The following KHDRBS2 variants were observed in gnomAD, a reference collection of about 807,000 sequenced individuals.
KHDRBS2 encodes the protein KH RNA binding domain containing, signal transduction associated 2.
A neutral mutation model predicts 44.3 loss-of-function variants in KHDRBS2; 26 were observed. That is an observed-to-expected ratio of 0.59 (90% CI 0.43 to 0.81). The LOEUF is 0.81. Among genes scored for constraint, KHDRBS2 ranks in the 40% least tolerant of loss-of-function variants. The pLI, the probability that KHDRBS2 is intolerant of heterozygous loss-of-function variation, is 0.00. For synonymous variants in KHDRBS2, 194 were observed against 151.1 expected (o/e 1.28, Z -2.08); for missense variants, 476 against 433.1 (o/e 1.10, Z -0.88).
intron 6 of KHDRBS2, among the ~76,000 whole-genome samples, chr6:61,793,574 C>G (rs1159674180): frequency 6.6e-6 from 1 of 151,588 alleles, no homozygotes; most frequent in Non-Finnish European, 1.5e-5. Flanking sequence ...TTTATTTTTT[C>G]AAAATAAATC....
the KHDRBS2 span, among the ~76,000 whole-genome samples, chr6:61,600,561 G>A: frequency 6.6e-6 from 1 of 152,084 alleles, no homozygotes; most frequent in Non-Finnish European, 1.5e-5. Flanking sequence ...CAGCCCACCT[G>A]CACCCAGGAG....
intron 3 of KHDRBS2, among the ~76,000 whole-genome samples, chr6:62,043,543 A>G (rs948771238): frequency 4.6e-5 from 7 of 152,056 alleles, no homozygotes; most frequent in African/African-American, 1.7e-4. Context: ...GTGAGTTCAT[A>G]TATTGTGGGA....
chr6:61,688,002 T>C (rs763365258), intron 8 of KHDRBS2, among the ~76,000 whole-genome samples: 3 of 151,880 alleles, frequency 2.0e-5, no homozygotes, highest in East Asian at 3.9e-4. Flanking sequence ...GTCCTATACA[T>C]TATTGTATTT....
chr6:62,073,038 A>G (rs1447669864), intron 2 of KHDRBS2, among the ~76,000 whole-genome samples: 1 of 152,066 alleles, frequency 6.6e-6, no homozygotes, highest in South Asian at 2.1e-4. Flanking sequence ...CGGTCTATTC[A>G]GAGATTCAAC....
chr6:61,745,962 A>G (rs1776798817), intron 6 of KHDRBS2, among the ~76,000 whole-genome samples: 1 of 152,148 alleles, frequency 6.6e-6, no homozygotes, highest in Non-Finnish European at 1.5e-5. Flanking sequence ...ACATTTCTTT[A>G]GAACTTGCCC....
intron 4 of KHDRBS2, among the ~76,000 whole-genome samples, chr6:61,936,392 G>C (rs1194985447): frequency 6.6e-6 from 1 of 151,844 alleles, no homozygotes; most frequent in Admixed American, 6.6e-5. Flanking sequence ...CTCTCCTCCT[G>C]AATAGGCTTG....
chr6:61,779,313 T>C (rs1239791670), intron 6 of KHDRBS2, among the ~76,000 whole-genome samples: 2 of 152,056 alleles, frequency 1.3e-5, no homozygotes, highest in Non-Finnish European at 1.5e-5. Context: ...AAATAACCCA[T>C]GGAGTTTCTA....
At chr6:61,594,478 T>C in the KHDRBS2 span, among the ~76,000 whole-genome samples, 1 of 152,068 alleles carries the variant, frequency 6.6e-6, no homozygotes, top group Admixed American at 6.6e-5. Flanking sequence ...ACTTTAGCAT[T>C]TGCAAAAAGT....
At position 62,286,204 on chromosome 6, in the gene KHDRBS2, A is replaced by G. The variant is rs1320493955; in HGVS notation, c.-256T>C. On this transcript the variant is annotated 5_prime_UTR_variant, in exon 1 of 9. Transcript: ENST00000281156. ...GCCCCGGCTCACACCAGCGGCCTTA[A>G]CTGGAGAGGCGGGAACAGGACGCGG... 5 of 496,650 alleles carry G rather than the reference A, an allele frequency of 1.0e-5. No individual in the cohort carries two copies. Among genetic ancestry groups the G allele is most frequent in the African/African-American group, 6.2e-5 (3 of 48,418 alleles). The allele number at this position is 496,650 out of a possible 1,614,324, so 30.8% of individuals were successfully genotyped here.
intron 3 of KHDRBS2, among the ~76,000 whole-genome samples, chr6:61,982,214 A>AATATATAT (rs34900603): frequency 0.02 from 3,045 of 149,814 alleles, 112 homozygotes; most frequent in African/African-American, 0.071. Context: ...AGTCACTGCA[A>AATATATAT]ATATATATAT....
At chr6:62,064,972 G>C (rs1793194086) in intron 2 of KHDRBS2, among the ~76,000 whole-genome samples, 1 of 151,788 alleles carries the variant, frequency 6.6e-6, no homozygotes, top group South Asian at 2.1e-4. Context: ...GTGGGTGAAG[G>C]ACATGAACAG....
chr6:61,982,857 G>T (rs552835236), intron 3 of KHDRBS2, among the ~76,000 whole-genome samples: 3 of 152,026 alleles, frequency 2.0e-5, no homozygotes, highest in Non-Finnish European at 4.4e-5. Context: ...AACAGTACTG[G>T]TTCTTTAATG....
At chr6:62,225,525 T>C (rs1831622781) in intron 1 of KHDRBS2, among the ~76,000 whole-genome samples, 1 of 152,198 alleles carries the variant, frequency 6.6e-6, no homozygotes, top group African/African-American at 2.4e-5. Context: ...TTAATTTATA[T>C]ATTTTATTTT....
At chr6:61,567,830 G>A in the KHDRBS2 span, among the ~76,000 whole-genome samples, 4 of 151,068 alleles carry the variant, frequency 2.6e-5, no homozygotes, top group South Asian at 6.2e-4. Flanking sequence ...CCAAGCCTTA[G>A]TACATCCAAT....
At chr6:61,906,093 G>A (rs1407061104) in intron 4 of KHDRBS2, among the ~76,000 whole-genome samples, 6 of 152,030 alleles carry the variant, frequency 3.9e-5, no homozygotes, top group Middle Eastern at 3.4e-3. Flanking sequence ...TGATCCACCC[G>A]CCTCGGCCTC....
chr6:62,070,467 C>G (rs1349867813), intron 2 of KHDRBS2, among the ~76,000 whole-genome samples: 2 of 151,890 alleles, frequency 1.3e-5, no homozygotes, highest in African/African-American at 2.4e-5. Flanking sequence ...TTAGGTATAT[C>G]TCCTAATGCT....
chr6:62,248,436 G>C (rs1835976378), intron 1 of KHDRBS2, among the ~76,000 whole-genome samples: 1 of 151,858 alleles, frequency 6.6e-6, no homozygotes, highest in African/African-American at 2.4e-5. Flanking sequence ...TCAGCTCACT[G>C]CAACCTCTAC....
chr6:62,176,181 C>A (rs1484062285), intron 2 of KHDRBS2, among the ~76,000 whole-genome samples: 1 of 151,256 alleles, frequency 6.6e-6, no homozygotes, highest in African/African-American at 2.4e-5. Flanking sequence ...TTCAAGAGAA[C>A]ATGATTATAA....
chr6:62,250,195 G>A (rs946318996), intron 1 of KHDRBS2, among the ~76,000 whole-genome samples: 4 of 151,976 alleles, frequency 2.6e-5, no homozygotes, highest in African/African-American at 9.7e-5. Flanking sequence ...GAGGACAAAC[G>A]ATCAGCTATT....
Sources: allele counts gnomAD v4.1 joint callset (sites outside exome capture counted in the v4.1 genomes callset), GRCh38; gene constraint gnomAD v4.1.1; transcripts MANE v1.5; gene names NCBI Gene and HGNC (gene_info 2026-07-23, HGNC 2026-07-21).